Variants in GCSH observed in about 807,000 individuals in gnomAD.
The protein encoded by GCSH is glycine cleavage system protein H, also known as glycine cleavage system H protein, mitochondrial.
GCSH carries 15 observed loss-of-function variants against 21.3 expected under a neutral mutation model. The observed-to-expected ratio is 0.70, with a 90% CI of 0.47 to 1.08. The LOEUF is 1.08. Ranked by LOEUF, GCSH falls within the 50% of genes least tolerant of loss-of-function variation. GCSH has a pLI of 0.00. For missense variants in GCSH, 179 were observed against 217.5 expected (o/e 0.82, Z 1.11); for synonymous variants, 59 against 84.5 (o/e 0.70, Z 1.66).
In GCSH at chr16:81,082,953, G is replaced by C; in HGVS notation, c.435C>G (p.Ile145Met). ...NKSCYEDGWL[I>M]KMTLSNPSEL... The stretch of plus-strand genomic sequence containing the variant: ...CTGAAGGGTTACTCAGTGTCATCTT[G>C]ATCAGCCAACCTGCAACCAAAAGAC... The change falls in exon 5 of 5, where the codon ATC becomes ATG. Residue 145 changes from isoleucine (I) to methionine (M), a missense_variant. Physicochemically the swap from Ile to Met is conservative, Grantham distance 10. Coordinates refer to ENST00000315467, the MANE Select transcript of GCSH (RefSeq NM_004483.5). The C allele has an allele frequency of 1.3e-6, 2 of 1,578,472 alleles. No individual in the cohort carries two copies. Among genetic ancestry groups the C allele is most frequent in the Non-Finnish European group, 8.7e-7 (1 of 1,147,740 alleles).
intron 4 of GCSH, 52 bp downstream of exon 4, chr16:81,084,411 A>C: frequency 7.3e-7 from 1 of 1,362,980 alleles, no homozygotes; most frequent in Non-Finnish European, 1.1e-6. Context: ...AATTCTAGAT[A>C]AAATATTTAC....
intron 3 of GCSH, among the ~76,000 whole-genome samples, chr16:81,084,951 G>C (rs565426885): frequency 1.3e-5 from 2 of 148,570 alleles, no homozygotes; most frequent in African/African-American, 5.0e-5. Context: ...TCCTGATGCC[G>C]TGATCCGCCC....
intron 2 of GCSH, among the ~76,000 whole-genome samples, chr16:81,089,651 G>C (rs1972357551): frequency 6.6e-6 from 1 of 152,112 alleles, no homozygotes; most frequent in Admixed American, 6.6e-5. Flanking sequence ...TGACACGAGT[G>C]CATTCCCATC....
At chr16:81,085,882 C>A (rs778548017) in intron 3 of GCSH, among the ~76,000 whole-genome samples, 10,527 of 12,234 alleles carry the variant, frequency 0.86, 4,496 homozygotes, top group South Asian at 0.93. Flanking sequence ...AACGGCCGGG[C>A]GCGGTGGCTC....
At chr16:81,090,394 T>A (rs925276330) in intron 2 of GCSH, among the ~76,000 whole-genome samples, 2 of 151,942 alleles carry the variant, frequency 1.3e-5, no homozygotes, top group Admixed American at 6.6e-5. Context: ...TTTTTTTTTT[T>A]AACTTTTGGT....
intron 2 of GCSH, among the ~76,000 whole-genome samples, chr16:81,088,369 C>G (rs1972326830): frequency 6.6e-6 from 1 of 152,160 alleles, no homozygotes; most frequent in Admixed American, 6.6e-5. Context: ...CTAACACAAG[C>G]CTCCTGCCCC....
intron 2 of GCSH, among the ~76,000 whole-genome samples, chr16:81,089,504 G>A (rs1390117002): frequency 6.6e-6 from 1 of 152,160 alleles, no homozygotes; most frequent in African/African-American, 2.4e-5. Context: ...TTGTAGCCCA[G>A]GAGCAAAGGC....
At position 81,088,420 on chromosome 16, in the gene GCSH, CAG is replaced by C. The variant is rs1055446522; in HGVS notation, c.229-758_229-757del. Among the ~76,000 whole-genome samples, 24 of 152,112 alleles carry C rather than the reference CAG, an allele frequency of 1.6e-4. 1 individual carries two copies. The highest frequency in any genetic ancestry group is 1.5e-3 in the Admixed American group (23 of 15,250). On this transcript the variant is annotated intron_variant, in intron 2 of 4. Transcript: ENST00000315467. ...CTCTTTGTTTTATTTGGTTTTGAGACAGAGTTTCTCTCTTGTTGCCCAGGCTG... is the reference window on the plus strand; with the variant it reads ...CTCTTTGTTTTATTTGGTTTTGAGACAGTTTCTCTCTTGTTGCCCAGGCTG...
chr16:81,094,210 T>C (rs1972455997), intron 1 of GCSH, among the ~76,000 whole-genome samples: 1 of 152,210 alleles, frequency 6.6e-6, no homozygotes, highest in South Asian at 2.1e-4. Flanking sequence ...AATAATTACT[T>C]TCTAACTGGG....
At position 81,082,842 on chromosome 16, in the gene GCSH, C is replaced by G. The variant is rs756444036; in HGVS notation, c.*24G>C. On this transcript the variant is annotated 3_prime_UTR_variant, in exon 5 of 5. Coordinates refer to ENST00000315467, the MANE Select transcript of GCSH (RefSeq NM_004483.5). ...CTCTGCTGGCTTGCGTTATTTCATA[C>G]TAGTTTATTTAGGAGTTCCATTTTC... The G allele has an allele frequency of 9.2e-6, 9 of 981,486 alleles. No homozygotes were observed. The Admixed American group carries it at 1.2e-4, about 13-fold the overall frequency. 60.8% of individuals were successfully genotyped at this position (981,486 alleles called of 1,614,324 possible).
rs1445703973 is a variant in GCSH, at chr16:81,082,973, A to C, written c.425-10T>G. On this transcript the variant is annotated splice_polypyrimidine_tract_variant and intron_variant, in intron 4 of 4. Transcript: ENST00000315467. ...ATCTTGATCAGCCAACCTGCAACCA[A>C]AAGACAACCTTATATTCCACATTAA... 1 of 1,530,214 alleles carries C rather than the reference A, an allele frequency of 6.5e-7. No individual in the cohort carries two copies. Among genetic ancestry groups the C allele is most frequent in the East Asian group, 2.3e-5 (1 of 44,434 alleles). 94.8% of individuals were successfully genotyped at this position (1,530,214 alleles called of 1,614,324 possible). A position where few individuals can be genotyped will look rare whatever the true frequency, so the allele number is the denominator to read the frequency against.
At chr16:81,089,873 C>T (rs777139228) in intron 2 of GCSH, among the ~76,000 whole-genome samples, 1 of 152,150 alleles carries the variant, frequency 6.6e-6, no homozygotes, top group Non-Finnish European at 1.5e-5. Context: ...CTCCTGGTCA[C>T]GTGTGTATCA....
intron 2 of GCSH, among the ~76,000 whole-genome samples, chr16:81,089,258 C>A (rs1972345862): frequency 1.3e-5 from 2 of 152,146 alleles, no homozygotes; most frequent in Admixed American, 1.3e-4. Context: ...GGAATACTCG[C>A]ATTATACTTA....
At chr16:81,095,992 T>C (rs930151501) in intron 1 of GCSH, 139 bp downstream of exon 1, 6 of 680,004 alleles carry the variant, frequency 8.8e-6, no homozygotes, top group Non-Finnish European at 1.0e-5. Context: ...CCAACAGAAA[T>C]AAGAAGGGGG....
intron 3 of GCSH, among the ~76,000 whole-genome samples, chr16:81,086,353 T>G (rs997980374): frequency 6.6e-6 from 1 of 151,936 alleles, no homozygotes; most frequent in Admixed American, 6.6e-5. Flanking sequence ...GCCAACATGG[T>G]GAAACCCCGC....
At chr16:81,087,126 T>C (rs1972296839) in intron 3 of GCSH, among the ~76,000 whole-genome samples, 1 of 151,990 alleles carries the variant, frequency 6.6e-6, no homozygotes, top group Non-Finnish European at 1.5e-5. Flanking sequence ...AGTACAGTGA[T>C]GGGATCTCGG....
At chr16:81,093,524 C>T (rs963526013) in intron 1 of GCSH, among the ~76,000 whole-genome samples, 1 of 152,022 alleles carries the variant, frequency 6.6e-6, no homozygotes, top group East Asian at 1.9e-4. Flanking sequence ...TAGAGGGAGA[C>T]GGCAACATTA....
At chr16:81,091,761 C>A (rs529297160) in intron 1 of GCSH, among the ~76,000 whole-genome samples, 49 of 152,118 alleles carry the variant, frequency 3.2e-4, no homozygotes, top group African/African-American at 1.1e-3. Context: ...CGCAGCACAA[C>A]GTAAGTAGAG....
intron 1 of GCSH, among the ~76,000 whole-genome samples, 195 bp downstream of exon 1, chr16:81,095,936 T>G (rs978380974): frequency 5.3e-5 from 8 of 152,012 alleles, no homozygotes; most frequent in African/African-American, 1.9e-4. Flanking sequence ...TACTCGCGGG[T>G]CCTCCCGCTA....
Sources: allele counts gnomAD v4.1 joint callset (sites outside exome capture counted in the v4.1 genomes callset), GRCh38; gene constraint gnomAD v4.1.1; transcripts MANE v1.5; gene names NCBI Gene and HGNC (gene_info 2026-07-23, HGNC 2026-07-21).